OSBPL10: variants seen among roughly 807,000 people sequenced by gnomAD.
OSBPL10 encodes the protein oxysterol binding protein like 10.
A neutral mutation model predicts 81.7 loss-of-function variants in OSBPL10; 49 were observed. The observed-to-expected ratio is 0.60, with a 90% CI of 0.48 to 0.76. The LOEUF (loss-of-function observed/expected upper bound fraction) is 0.76. Among genes scored for constraint, OSBPL10 ranks in the 30% least tolerant of loss-of-function variants. OSBPL10 has a pLI of 0.00. For missense variants in OSBPL10, 923 were observed against 987.8 expected (o/e 0.93, Z 0.88); for synonymous variants, 419 against 383.6 (o/e 1.09, Z -1.08).
chr3:31,840,887 G>C (rs1426622723), intron 3 of OSBPL10, among the ~76,000 whole-genome samples: 2 of 151,832 alleles, frequency 1.3e-5, no homozygotes, highest in African/African-American at 2.4e-5. Flanking sequence ...ACTAAGTTAG[G>C]CTTCTTGTTG....
chr3:31,916,542 T>C (rs1040706565), intron 1 of OSBPL10, among the ~76,000 whole-genome samples: 1 of 152,194 alleles, frequency 6.6e-6, no homozygotes, highest in African/African-American at 2.4e-5. Context: ...CACTCTAAAT[T>C]GACTCTTAGT....
chr3:31,958,200 T>C (rs1273429778), intron 1 of OSBPL10, among the ~76,000 whole-genome samples: 8 of 152,210 alleles, frequency 5.3e-5, no homozygotes, highest in African/African-American at 9.6e-5. Context: ...AGCCCCTGAA[T>C]AGCCAATTAC....
chr3:31,956,774 G>C (rs867914744), intron 1 of OSBPL10, among the ~76,000 whole-genome samples: 16 of 151,958 alleles, frequency 1.1e-4, no homozygotes, highest in African/African-American at 3.9e-4. Context: ...TTGCTCCCTA[G>C]AGTAGGATTT....
chr3:32,022,502 G>C (rs1699370366), intron 2 of OSBPL10, among the ~76,000 whole-genome samples: 2 of 152,142 alleles, frequency 1.3e-5, no homozygotes. Context: ...TTTCTGATTT[G>C]AGGCCTGGCA....
intron 5 of OSBPL10, among the ~76,000 whole-genome samples, chr3:31,747,517 A>T (rs1697564744): frequency 2.0e-5 from 3 of 150,840 alleles, no homozygotes; most frequent in Admixed American, 1.3e-4. Flanking sequence ...AAAACACAGA[A>T]TGCTGAGTGC....
Position 31,862,484 on chromosome 3 carries a change from C to CT in OSBPL10, c.537+13948dup, listed in dbSNP as rs202015997. On this transcript the variant is annotated intron_variant, in intron 3 of 11. Transcript: ENST00000396556. ...ACAAATGCAACAGTAAAATGTAATG[C>CT]TTTTTTTTTATTTTCTAAAAACAAA... 3.1e-3 allele frequency among the ~76,000 whole-genome samples: 469 copies of CT among 151,450 alleles called. 2 individuals carry two copies. The highest frequency in any genetic ancestry group is 0.011 in the African/African-American group (439 of 41,336).
rs568964547 is a variant in OSBPL10, at chr3:31,965,229, G to A, written c.281+15670C>T. Among the ~76,000 whole-genome samples the A allele has an allele frequency of 1.5e-3, 225 of 150,632 alleles. 2 individuals carry two copies. The highest frequency in any genetic ancestry group is 2.1e-3 in the Non-Finnish European group (141 of 67,802). ...CTAAAAATACAAAAAAATTAGCCGG[G>A]CGTGGTGGTGGGCACCTGTAGTCCC... On this transcript the variant is annotated intron_variant, in intron 1 of 11. Coordinates refer to ENST00000396556, the MANE Select transcript of OSBPL10 (RefSeq NM_017784.5).
intron 4 of OSBPL10, among the ~76,000 whole-genome samples, chr3:31,801,875 T>A (rs951091870): frequency 2.0e-5 from 3 of 151,936 alleles, no homozygotes; most frequent in African/African-American, 7.3e-5. Flanking sequence ...CAGGCTGAAG[T>A]GCAATGGCAC....
chr3:31,898,657 A>C (rs918239303), intron 1 of OSBPL10, among the ~76,000 whole-genome samples: 3 of 152,024 alleles, frequency 2.0e-5, no homozygotes, highest in Admixed American at 6.6e-5. Context: ...AGATATACAG[A>C]TATACGGAAA....
intron 2 of OSBPL10, among the ~76,000 whole-genome samples, chr3:32,006,962 C>T: frequency 6.6e-6 from 1 of 151,804 alleles, no homozygotes; most frequent in East Asian, 1.9e-4. Flanking sequence ...GAGATGTGGT[C>T]TCACTATGTG....
At chr3:31,764,698 T>C (rs1698146663) in intron 4 of OSBPL10, among the ~76,000 whole-genome samples, 1 of 152,186 alleles carries the variant, frequency 6.6e-6, no homozygotes, top group South Asian at 2.1e-4. Flanking sequence ...TTAACCATCA[T>C]TTCTCTCCAG....
intron 2 of OSBPL10, among the ~76,000 whole-genome samples, chr3:32,034,192 G>A (rs550493550): frequency 1.8e-4 from 28 of 152,274 alleles, no homozygotes; most frequent in South Asian, 8.3e-4. Context: ...CACCTTTGAC[G>A]TGTAGGGATT....
At chr3:31,708,092 T>C (rs1282634277) in intron 6 of OSBPL10, among the ~76,000 whole-genome samples, 2 of 152,184 alleles carry the variant, frequency 1.3e-5, no homozygotes, top group Non-Finnish European at 2.9e-5. Context: ...AGGTCTTCAG[T>C]TAAAATTTTT....
intron 1 of OSBPL10, among the ~76,000 whole-genome samples, chr3:31,883,851 A>T (rs1298763907): frequency 6.6e-6 from 1 of 152,210 alleles, no homozygotes; most frequent in Admixed American, 6.5e-5. Context: ...AAAGGTAAGT[A>T]GAAAAGGAAG....
chr3:32,003,050 A>G (rs1575083513), intron 2 of OSBPL10, among the ~76,000 whole-genome samples: 1 of 152,228 alleles, frequency 6.6e-6, no homozygotes, highest in Non-Finnish European at 1.5e-5. Flanking sequence ...TGGCCGAACG[A>G]AAGTGGGAAG....
intron 4 of OSBPL10, among the ~76,000 whole-genome samples, chr3:31,770,119 G>C (rs1325654514): frequency 6.6e-6 from 1 of 152,118 alleles, no homozygotes. Flanking sequence ...GTAGTCTCAG[G>C]GATGTCAGGC....
intron 2 of OSBPL10, among the ~76,000 whole-genome samples, chr3:32,022,957 C>T (rs1339331918): frequency 6.6e-6 from 1 of 152,090 alleles, no homozygotes; most frequent in Non-Finnish European, 1.5e-5. Flanking sequence ...TATTTGACAT[C>T]TGTGTGCCAG....
chr3:31,832,914 G>C (rs1700281229), intron 3 of OSBPL10, among the ~76,000 whole-genome samples: 1 of 152,224 alleles, frequency 6.6e-6, no homozygotes, highest in Non-Finnish European at 1.5e-5. Flanking sequence ...TCGTTTTACA[G>C]ATCACCAGGG....
Position 31,662,339 on chromosome 3 carries a change from G to T in OSBPL10, c.2251-223C>A. The T allele has an allele frequency of 2.3e-6, 3 of 1,293,664 alleles. No homozygotes were observed. The South Asian group carries it at 7.1e-5, about 31-fold the overall frequency. The allele number at this position is 1,293,664 out of a possible 1,614,324, so 80.1% of individuals were successfully genotyped here. A position where few individuals can be genotyped will look rare whatever the true frequency, so the allele number is the denominator to read the frequency against. On this transcript the variant is annotated intron_variant, in intron 11 of 11. Coordinates refer to ENST00000396556, the MANE Select transcript of OSBPL10 (RefSeq NM_017784.5). ...ATGGCAGGAGGAAACCCCAAGAAAT[G>T]AGCAAAATAAAAGGGGAGCTTGGTT...
Sources: allele counts gnomAD v4.1 joint callset (sites outside exome capture counted in the v4.1 genomes callset), GRCh38; gene constraint gnomAD v4.1.1; transcripts MANE v1.5; gene names NCBI Gene and HGNC (gene_info 2026-07-23, HGNC 2026-07-21).